Variants in IGSF11 observed in about 807,000 individuals in gnomAD.
The protein encoded by IGSF11 is CXADR like 1.
A neutral mutation model predicts 41.0 loss-of-function variants in IGSF11; 22 were observed. The ratio of observed to expected loss-of-function variants is 0.54; its 90% CI spans 0.38 to 0.77. The LOEUF is 0.77. Among genes scored for constraint, IGSF11 ranks in the 30% least tolerant of loss-of-function variants. The pLI, the probability that IGSF11 is intolerant of heterozygous loss-of-function variation, is 0.00. For synonymous variants in IGSF11, 219 were observed against 201.3 expected, an observed-to-expected ratio of 1.09 and a Z score of -0.74; for missense variants, 444 against 530.8, an observed-to-expected ratio of 0.84 and a Z score of 1.61.
At chr3:118,933,468 T>TATA (rs1553754808) in intron 1 of IGSF11, among the ~76,000 whole-genome samples, 9 of 111,486 alleles carry the variant, frequency 8.1e-5, no homozygotes, top group African/African-American at 4.2e-4. Context: ...AACATGTATT[T>TATA]TTTATATATA....
upstream of IGSF11, among the ~76,000 whole-genome samples, chr3:119,036,632 G>A (rs1438423164): frequency 2.0e-5 from 3 of 151,680 alleles, no homozygotes; most frequent in African/African-American, 7.3e-5. Context: ...TATATTTATC[G>A]CATCAATTTA....
chr3:118,932,375 A>G (rs1009104288), intron 1 of IGSF11, among the ~76,000 whole-genome samples: 2 of 152,264 alleles, frequency 1.3e-5, no homozygotes, highest in Non-Finnish European at 2.9e-5. Flanking sequence ...TATGATTACA[A>G]TTAGTTTAAA....
chr3:118,959,843 C>A (rs993860330), intron 1 of IGSF11, among the ~76,000 whole-genome samples: 1 of 151,842 alleles, frequency 6.6e-6, no homozygotes, highest in African/African-American at 2.4e-5. Flanking sequence ...GTCAGGAGAT[C>A]GAGACCATCC....
chr3:119,091,532 G>A (rs904990903), intron 1 of IGSF11, among the ~76,000 whole-genome samples: 1 of 152,190 alleles, frequency 6.6e-6, no homozygotes, highest in Non-Finnish European at 1.5e-5. Flanking sequence ...CCATAAAAAA[G>A]AATGAAATAA....
Position 118,902,565 on chromosome 3 carries a change from T to A in IGSF11, c.1251A>T (p.Val417=), listed in dbSNP as rs1939010279. 1 of 1,611,350 alleles carries A rather than the reference T, an allele frequency of 6.2e-7. No homozygotes were observed. Among genetic ancestry groups the A allele is most frequent in the African/African-American group, 1.3e-5 (1 of 74,468 alleles). The stretch of plus-strand genomic sequence containing the variant: ...GACTCTGGGCTGGTACCATGACAGG[T>A]ACTGCACCAATTCGTTCCAGTGTTG... ...SHATLERIGA[V]PVMVPAQSRA... Residue 417 remains valine (V), a synonymous_variant, in exon 7 of 7, where the codon GTA becomes GTT. Coordinates refer to ENST00000393775, the MANE Select transcript of IGSF11 (RefSeq NM_001015887.3).
chr3:119,095,928 T>C (rs1576793232), intron 1 of IGSF11, among the ~76,000 whole-genome samples: 1 of 152,202 alleles, frequency 6.6e-6, no homozygotes, highest in Non-Finnish European at 1.5e-5. Flanking sequence ...TCAGGGCCCA[T>C]GGAAGATTGC....
At chr3:118,952,934 AGGTGGTGTTTGGTT>A (rs1944676379) in intron 1 of IGSF11, among the ~76,000 whole-genome samples, 2 of 152,046 alleles carry the variant, frequency 1.3e-5, no homozygotes, top group East Asian at 3.9e-4. Flanking sequence ...TTTGGGGAAC[AGGTGGTGTTTGGTT>A]ACATGGATAA....
chr3:118,923,516 T>C (rs1559903041), intron 4 of IGSF11, among the ~76,000 whole-genome samples: 1 of 152,304 alleles, frequency 6.6e-6, no homozygotes, highest in East Asian at 1.9e-4. Flanking sequence ...CTCAACCATG[T>C]CCTTTATAGC....
intron 1 of IGSF11, among the ~76,000 whole-genome samples, chr3:118,938,408 C>T (rs539306816): frequency 5.9e-5 from 9 of 152,286 alleles, no homozygotes; most frequent in East Asian, 1.9e-4. Context: ...TGTTATTCCA[C>T]GATATAACCC....
chr3:118,945,211 C>A (rs567813015), intron 1 of IGSF11, among the ~76,000 whole-genome samples: 28 of 151,922 alleles, frequency 1.8e-4, no homozygotes, highest in South Asian at 1.2e-3. Flanking sequence ...GGAAAAAAAA[C>A]CAGAAAACAG....
chr3:119,014,107 T>G (rs192469289), intron 1 of IGSF11, among the ~76,000 whole-genome samples: 2 of 152,226 alleles, frequency 1.3e-5, no homozygotes, highest in Non-Finnish European at 2.9e-5. Flanking sequence ...CTGCCTGGCA[T>G]GTGCTACACC....
In IGSF11 at chr3:118,928,537, G is replaced by A. The variant is rs1409665234; in HGVS notation, c.396C>T (p.Asn132=). The change falls in exon 3 of 7, where the codon AAC becomes AAT. Residue 132 remains asparagine (N), a synonymous_variant. Coordinates refer to ENST00000393775, the MANE Select transcript of IGSF11 (RefSeq NM_001015887.3). Reference sequence around the variant, plus strand: ...ACACTGTGAGACCGGTGACCCCAATGTTCCTGCCCCCTATGTCTGGAAGGT... The same window carrying A: ...ACACTGTGAGACCGGTGACCCCAATATTCCTGCCCCCTATGTCTGGAAGGT... ...VNNLPDIGGR[N]IGVTGLTVLV... is the part of the protein sequence containing the mutation. 5 of 1,613,158 alleles carry A rather than the reference G, an allele frequency of 3.1e-6. No individual in the cohort carries two copies. The highest frequency in any genetic ancestry group is 4.2e-6 in the Non-Finnish European group (5 of 1,179,912).
intron 1 of IGSF11, among the ~76,000 whole-genome samples, chr3:119,072,871 G>GC (rs1034153958): frequency 6.6e-6 from 1 of 152,130 alleles, no homozygotes; most frequent in Admixed American, 6.5e-5. Flanking sequence ...CCCTAGTCTG[G>GC]CCCCACCCAC....
At chr3:119,011,194 G>A (rs1009801183) in intron 1 of IGSF11, among the ~76,000 whole-genome samples, 36 of 152,138 alleles carry the variant, frequency 2.4e-4, no homozygotes, top group African/African-American at 8.5e-4. Context: ...GCAAATTTCA[G>A]GGTTTTGCAG....
At chr3:119,056,969 A>G (rs1272176472) in intron 1 of IGSF11, among the ~76,000 whole-genome samples, 1 of 152,216 alleles carries the variant, frequency 6.6e-6, no homozygotes, top group Admixed American at 6.5e-5. Flanking sequence ...GATGGGATAT[A>G]TCTCAAAATA....
At chr3:118,970,519 C>G (rs972789864) in intron 1 of IGSF11, among the ~76,000 whole-genome samples, 7 of 152,110 alleles carry the variant, frequency 4.6e-5, no homozygotes, top group African/African-American at 1.4e-4. Flanking sequence ...TGGTTTCCTG[C>G]CTTTAAGATT....
chr3:119,044,377 T>G (rs747988108), intron 1 of IGSF11, among the ~76,000 whole-genome samples: 3 of 151,854 alleles, frequency 2.0e-5, no homozygotes, highest in Non-Finnish European at 4.4e-5. Flanking sequence ...AAAAGAATTT[T>G]TAAAAAATAA....
chr3:119,116,858 C>T (rs954290102), intron 1 of IGSF11, among the ~76,000 whole-genome samples: 1 of 152,094 alleles, frequency 6.6e-6, no homozygotes, highest in Admixed American at 6.5e-5. Context: ...TCTACCTGAA[C>T]CGACAACCCC....
intron 1 of IGSF11, among the ~76,000 whole-genome samples, chr3:119,048,962 A>T (rs1576728587): frequency 6.6e-6 from 1 of 152,198 alleles, no homozygotes; most frequent in Non-Finnish European, 1.5e-5. Flanking sequence ...TCATGGTAAA[A>T]ACTCTCAATA....
Sources: gnomAD v4.1 joint callset for allele counts (sites outside exome capture counted in the v4.1 genomes callset) on GRCh38, gnomAD v4.1.1 for gene constraint, MANE v1.5 for transcripts, NCBI Gene and HGNC (gene_info 2026-07-23, HGNC 2026-07-21) for gene names.